The following SIAE variants were observed in gnomAD, a reference collection of about 807,000 sequenced individuals.
SIAE encodes sialic acid acetylesterase, also known as sialate O-acetylesterase.
A neutral mutation model predicts 52.6 loss-of-function variants in SIAE; 39 were observed. The ratio of observed to expected loss-of-function variants is 0.74; its 90% CI spans 0.57 to 0.97. The LOEUF is 0.97. Ranked by LOEUF, SIAE falls within the 50% of genes least tolerant of loss-of-function variation. The probability of loss-of-function intolerance (pLI) is 0.00; values close to 1 mark genes in which losing one functional copy is unlikely to be tolerated. For missense variants in SIAE, 592 were observed against 662.1 expected (o/e 0.89, Z 1.16); for synonymous variants, 233 against 241.4 (o/e 0.97, Z 0.32).
chr11:124,656,597 C>T (rs1387072591), intron 3 of SIAE, among the ~76,000 whole-genome samples: 2 of 152,226 alleles, frequency 1.3e-5, no homozygotes, highest in African/African-American at 4.8e-5. Flanking sequence ...TCCAGTAAAG[C>T]ATCATTCCTC....
Position 124,660,783 on chromosome 11 carries a change from C to A in SIAE, c.250G>T (p.Val84Leu), listed in dbSNP as rs745816660. Residue 84 changes from valine (V) to leucine (L), a missense_variant, in exon 3 of 10, where the codon GTG (valine) becomes TTG (leucine). Coordinates refer to ENST00000263593, the MANE Select transcript of SIAE (RefSeq NM_170601.5). Reference sequence around the variant, plus strand: ...CCAGGCTTCATAGGATCCAGTACCACCATCCACGTATCAGAGTGAGCTGAA... The same window carrying A: ...CCAGGCTTCATAGGATCCAGTACCAACATCCACGTATCAGAGTGAGCTGAA... ...SVKAHSDTWM[V>L]VLDPMKPGGP... 1 of 1,614,142 alleles carries A rather than the reference C, an allele frequency of 6.2e-7. No individual in the cohort carries two copies. The highest frequency in any genetic ancestry group is 1.7e-5 in the Admixed American group (1 of 60,022).
chr11:124,637,405 CAAAT>C (rs1169676588), intron 9 of SIAE, among the ~76,000 whole-genome samples: 6 of 152,112 alleles, frequency 3.9e-5, no homozygotes, highest in African/African-American at 1.2e-4. Flanking sequence ...TTCATGTGAT[CAAAT>C]AAATAATTTT....
chr11:124,665,480 C>T (rs912236640), intron 2 of SIAE, among the ~76,000 whole-genome samples: 23 of 152,184 alleles, frequency 1.5e-4, no homozygotes, highest in Admixed American at 1.4e-3. Flanking sequence ...ACTCCCTACT[C>T]GCACCTCCAG....
At chr11:124,654,878 C>T in intron 3 of SIAE, 85 bp from the exon 4 acceptor site, 1 of 1,509,358 alleles carries the variant, frequency 6.6e-7, no homozygotes, top group Non-Finnish European at 9.2e-7. Flanking sequence ...CCTCTGAGCT[C>T]CTGAGCTTTC....
chr11:124,637,236 G>C (rs1378710076), intron 9 of SIAE, 34 bp from the exon 10 acceptor site: 1 of 1,613,756 alleles, frequency 6.2e-7, no homozygotes, highest in East Asian at 2.2e-5. Flanking sequence ...GAATGATTAG[G>C]TCAGAAGGGT....
rs996536781 is a variant in SIAE, at chr11:124,633,900, T to C, written c.*3051A>G. On this transcript the variant is annotated 3_prime_UTR_variant, in exon 10 of 10. Transcript: ENST00000263593. The stretch of plus-strand genomic sequence containing the variant: ...AAAAGAGCCTCATTTTAGAAAGACA[T>C]TTAAAATTTTTGGAACATACCACAT... 1 of 152,216 alleles carries C rather than the reference T, an allele frequency of 6.6e-6. No individual in the cohort carries two copies. Among genetic ancestry groups the C allele is most frequent in the Non-Finnish European group, 1.5e-5 (1 of 68,036 alleles). 9.4% of individuals were successfully genotyped at this position (152,216 alleles called of 1,614,324 possible).
intron 7 of SIAE, 109 bp downstream of exon 7, chr11:124,647,256 A>C: frequency 6.8e-7 from 1 of 1,464,670 alleles, no homozygotes; most frequent in Non-Finnish European, 9.5e-7. Flanking sequence ...GATGAAATCC[A>C]GGAAAGAGAT....
intron 4 of SIAE, among the ~76,000 whole-genome samples, chr11:124,652,083 C>T (rs954899406): frequency 1.2e-4 from 19 of 152,086 alleles, no homozygotes; most frequent in African/African-American, 4.1e-4. Flanking sequence ...TAAAAGAGAA[C>T]AGTGGAAGAT....
rs978793614 is a variant in SIAE at position 124,636,741 on chromosome 11, T to C, written c.*210A>G. On this transcript the variant is annotated 3_prime_UTR_variant, in exon 10 of 10. Transcript: ENST00000263593. ...TCAGAATTAGTCCAATACAGACCCT[T>C]AGACCAACTAGGGAACAAAAAGCAA... The C allele has an allele frequency of 6.0e-6, 4 of 665,716 alleles. No homozygotes were observed. Among genetic ancestry groups the C allele is most frequent in the Admixed American group, 2.7e-5 (1 of 37,184 alleles). 41.2% of individuals were successfully genotyped at this position (665,716 alleles called of 1,614,324 possible). A position where few individuals can be genotyped will look rare whatever the true frequency, so the allele number is the denominator to read the frequency against.
At chr11:124,641,959 C>CAAAAA (rs11327177) in intron 7 of SIAE, among the ~76,000 whole-genome samples, 5 of 39,134 alleles carry the variant, frequency 1.3e-4, no homozygotes, top group African/African-American at 1.7e-4. Flanking sequence ...GACTCCATCT[C>CAAAAA]AAAAAAAAAA....
chr11:124,668,667 G>A (rs772207046), intron 2 of SIAE, among the ~76,000 whole-genome samples: 16 of 152,158 alleles, frequency 1.1e-4, no homozygotes, highest in Non-Finnish European at 2.1e-4. Context: ...GAGACATGGA[G>A]ATGTTATATT....
chr11:124,641,975 A>G (rs7932771), intron 7 of SIAE, among the ~76,000 whole-genome samples: 6,801 of 149,684 alleles, frequency 0.045, 526 homozygotes, highest in African/African-American at 0.16. Context: ...AAAAAAAAAA[A>G]AAAAAAGAAA....
rs1395505284 is a variant in SIAE, at chr11:124,638,686, G to A, written c.1176C>T (p.Ala392=). 1 of 1,614,130 alleles carries A rather than the reference G, an allele frequency of 6.2e-7. No homozygotes were observed. The highest frequency in any genetic ancestry group is 1.1e-5 in the South Asian group (1 of 91,072). ...QTVAYRLHLG[A]RALAYGEKNL... ...TCTTCTCACCATAAGCCAGAGCACG[G>A]GCCCCCAAATGCAGCCGATAAGCCA... Residue 392 remains alanine, a synonymous_variant, in exon 9 of 10, where the codon GCC becomes GCT. Coordinates refer to ENST00000263593, the MANE Select transcript of SIAE (RefSeq NM_170601.5).
At chr11:124,652,278 T>TA (rs1205198754) in intron 4 of SIAE, among the ~76,000 whole-genome samples, 1 of 152,132 alleles carries the variant, frequency 6.6e-6, no homozygotes. Flanking sequence ...TAGATGTGAT[T>TA]AAGGTTAGGG....
At position 124,649,633 on chromosome 11, in the gene SIAE, C is replaced by A. The variant is rs1942988102; in HGVS notation, c.708G>T (p.Gly236=). The A allele has an allele frequency of 6.2e-7, 1 of 1,613,890 alleles. No homozygotes were observed. Among genetic ancestry groups the A allele is most frequent in the Non-Finnish European group, 8.5e-7 (1 of 1,180,018 alleles). Reference sequence around the variant, plus strand: ...TGCTGTCTTACCCTTGTTTAGGGACCCCACAGGCTTTCAGTGACCGTCCAG... The same window carrying A: ...TGCTGTCTTACCCTTGTTTAGGGACACCACAGGCTTTCAGTGACCGTCCAG... ...WSSGRSLKAC[G]VPKQGSIPYD... Residue 236 remains glycine (G), a synonymous_variant, in exon 5 of 10, where the codon GGG becomes GGT. Transcript: ENST00000263593.
intron 6 of SIAE, 132 bp downstream of exon 6, chr11:124,647,934 G>A: frequency 1.3e-6 from 1 of 776,540 alleles, no homozygotes; most frequent in Non-Finnish European, 2.2e-6. Flanking sequence ...AAACTACCCT[G>A]CTCACCCACA....
chr11:124,666,893 G>T (rs953549806), intron 2 of SIAE, among the ~76,000 whole-genome samples: 1 of 152,158 alleles, frequency 6.6e-6, no homozygotes, highest in Non-Finnish European at 1.5e-5. Flanking sequence ...GAAAAGGGAG[G>T]CTTCCCTCCT....
Position 124,670,376 on chromosome 11 carries a change from A to C in SIAE, c.68-855T>G, listed in dbSNP as rs1481075977. On this transcript the variant is annotated intron_variant, in intron 1 of 9. Transcript: ENST00000263593. This position sits in a 1 kb window ranked among gnomAD's most constrained non-coding sequence, Gnocchi z 4.5. ...TTTAACGACATCATTCCTATTTTTAACATCCAGCCTATATAAAAGTATTTT... is the reference window on the plus strand; with the variant it reads ...TTTAACGACATCATTCCTATTTTTACCATCCAGCCTATATAAAAGTATTTT... Among the ~76,000 whole-genome samples the C allele has an allele frequency of 6.6e-6, 1 of 152,360 alleles. No homozygotes were observed. Among genetic ancestry groups the C allele is most frequent in the East Asian group, 1.9e-4 (1 of 5,186 alleles).
At chr11:124,647,311 T>C in intron 7 of SIAE, 54 bp downstream of exon 7, 1 of 1,613,374 alleles carries the variant, frequency 6.2e-7, no homozygotes, top group South Asian at 1.1e-5. Flanking sequence ...CCTCTTCCTC[T>C]CAACACAGGA....
Sources: allele counts gnomAD v4.1 joint callset (sites outside exome capture counted in the v4.1 genomes callset), GRCh38; gene constraint gnomAD v4.1.1; non-coding constraint Gnocchi (gnomAD v3.1); transcripts MANE v1.5; gene names NCBI Gene and HGNC (gene_info 2026-07-23, HGNC 2026-07-21).